HUNK: variants seen among roughly 807,000 people sequenced by gnomAD.
HUNK encodes hormonally up-regulated neu tumor-associated kinase.
In HUNK, 21 loss-of-function variants were observed where a neutral mutation model predicts 61.0. That is an observed-to-expected ratio of 0.34 (90% CI 0.24 to 0.50). The LOEUF is 0.50. Ranked by LOEUF, HUNK falls within the 20% of genes least tolerant of loss-of-function variation. The probability of loss-of-function intolerance (pLI) is 0.98; values close to 1 mark genes in which losing one functional copy is unlikely to be tolerated. For missense variants in HUNK, 772 were observed against 945.7 expected, an observed-to-expected ratio of 0.82 and a Z score of 2.41; for synonymous variants, 371 against 386.1, an observed-to-expected ratio of 0.96 and a Z score of 0.46.
chr21:31,968,486 G>C, intron 6 of HUNK, 101 bp downstream of exon 6: 1 of 1,402,728 alleles, frequency 7.1e-7, no homozygotes, highest in Non-Finnish European at 9.8e-7. Context: ...TGAAGGAAAA[G>C]CCGCGCTCTC....
intron 9 of HUNK, among the ~76,000 whole-genome samples, chr21:31,991,809 G>C (rs2053173789): frequency 1.3e-5 from 2 of 152,210 alleles, no homozygotes; most frequent in Admixed American, 1.3e-4. Flanking sequence ...GCCACATGTG[G>C]AAACAGGCAG....
intron 1 of HUNK, among the ~76,000 whole-genome samples, chr21:31,878,033 T>G (rs1312202408): frequency 6.6e-6 from 1 of 151,772 alleles, no homozygotes; most frequent in Non-Finnish European, 1.5e-5. Flanking sequence ...CCAAGGTGGG[T>G]GGATCACTTG....
intron 7 of HUNK, among the ~76,000 whole-genome samples, chr21:31,980,238 A>G (rs1210129035): frequency 2.0e-5 from 3 of 151,110 alleles, no homozygotes; most frequent in East Asian, 2.0e-4. Context: ...TGCCCAGCAA[A>G]TTTTTGTATT....
intron 1 of HUNK, among the ~76,000 whole-genome samples, chr21:31,901,264 T>C (rs750413168): frequency 6.6e-6 from 1 of 151,994 alleles, no homozygotes; most frequent in Non-Finnish European, 1.5e-5. Flanking sequence ...TTCTGTAGAG[T>C]CTGGGGTGTG....
intron 5 of HUNK, among the ~76,000 whole-genome samples, chr21:31,959,812 T>C (rs1015732751): frequency 6.6e-6 from 1 of 152,246 alleles, no homozygotes; most frequent in African/African-American, 2.4e-5. Context: ...TTTAAAAGCA[T>C]GCATGAAGCT....
At chr21:31,979,524 T>C (rs1462888329) in intron 7 of HUNK, among the ~76,000 whole-genome samples, 1 of 99,236 alleles carries the variant, frequency 1.0e-5, no homozygotes, top group African/African-American at 3.4e-5. Flanking sequence ...TCTTTTTTTT[T>C]TTTTTTTTTT....
chr21:31,968,747 TGTGTGTGA>T (rs367843020), intron 6 of HUNK, among the ~76,000 whole-genome samples: 17,789 of 129,798 alleles, frequency 0.14, 1,352 homozygotes, highest in Non-Finnish European at 0.19. Context: ...TGTGTGTGTG[TGTGTGTGA>T]GAGAGAGAGA....
intron 2 of HUNK, among the ~76,000 whole-genome samples, chr21:31,936,321 G>A (rs1454663098): frequency 6.6e-6 from 1 of 152,238 alleles, no homozygotes; most frequent in Non-Finnish European, 1.5e-5. Flanking sequence ...AAGTCTGGAA[G>A]AAAGTGTTCT....
At chr21:31,986,666 C>G (rs933976774) in intron 8 of HUNK, among the ~76,000 whole-genome samples, 2 of 152,180 alleles carry the variant, frequency 1.3e-5, no homozygotes, top group Non-Finnish European at 2.9e-5. Flanking sequence ...CGCTGCATCC[C>G]TCCCTGTGCT....
At chr21:31,938,815 A>T (rs1397705625) in intron 2 of HUNK, among the ~76,000 whole-genome samples, 1 of 152,222 alleles carries the variant, frequency 6.6e-6, no homozygotes, top group Non-Finnish European at 1.5e-5. Flanking sequence ...CATTCAAGGT[A>T]TGCCTGCATT....
intron 2 of HUNK, among the ~76,000 whole-genome samples, chr21:31,935,125 C>T (rs1209839083): frequency 1.3e-5 from 2 of 152,162 alleles, no homozygotes; most frequent in Admixed American, 6.5e-5. Flanking sequence ...GACATAACTT[C>T]AGGGGGCTAA....
At chr21:31,973,659 G>A (rs531204884) in intron 6 of HUNK, among the ~76,000 whole-genome samples, 5 of 152,102 alleles carry the variant, frequency 3.3e-5, no homozygotes, top group Non-Finnish European at 5.9e-5. Context: ...CACTGAACCC[G>A]GCTGCCGGTT....
At chr21:31,942,519 G>A (rs139783020) in intron 3 of HUNK, among the ~76,000 whole-genome samples, 114 of 152,322 alleles carry the variant, frequency 7.5e-4, no homozygotes, top group African/African-American at 2.6e-3. Flanking sequence ...GATTGGTTGA[G>A]TAATAGAACC....
rs1334212418 is a variant in HUNK, at chr21:31,890,158, A to C, written c.261+16223A>C. 3.9e-5 allele frequency among the ~76,000 whole-genome samples: 6 copies of C among 151,978 alleles called. No individual in the cohort carries two copies. The East Asian group carries it at 9.6e-4, about 24-fold the overall frequency. ...ATCTAAATCATGGCCACTTATACAT[A>C]CTTTTTTATTGTCAACTTTGCCACT... is the stretch of plus-strand genomic sequence containing the variant. On this transcript the variant is annotated intron_variant, in intron 1 of 10. Coordinates refer to ENST00000270112, the MANE Select transcript of HUNK (RefSeq NM_014586.2).
At chr21:31,975,022 T>C (rs1427665701) in intron 7 of HUNK, among the ~76,000 whole-genome samples, 7 of 151,966 alleles carry the variant, frequency 4.6e-5, no homozygotes, top group Admixed American at 4.6e-4. Flanking sequence ...CTGCTGCCTC[T>C]TAGGTCTTTG....
intron 1 of HUNK, among the ~76,000 whole-genome samples, chr21:31,914,959 C>T (rs919510984): frequency 6.6e-6 from 1 of 152,176 alleles, no homozygotes; most frequent in African/African-American, 2.4e-5. Flanking sequence ...TTATCCTCCC[C>T]TCCCCGACAA....
intron 7 of HUNK, among the ~76,000 whole-genome samples, chr21:31,979,205 G>C (rs555381325): frequency 6.7e-6 from 1 of 149,494 alleles, no homozygotes; most frequent in Admixed American, 6.7e-5. Flanking sequence ...TGCAACCTCT[G>C]CCTCCTGGAT....
In HUNK at chr21:31,924,747, G is replaced by A. The variant is rs1233238090; in HGVS notation, c.541G>A (p.Gly181Arg). Residue 181 changes from glycine (G) to arginine (R), a missense_variant, in exon 2 of 11, where the codon GGG becomes AGG. Around this residue, in one of 2 missense-constraint regions of HUNK, gnomAD observed 359 missense variants for 501.3 expected, o/e 0.72. Transcript: ENST00000270112. This position sits in a 1 kb window ranked among gnomAD's most constrained non-coding sequence, Gnocchi z 5.1. Reference sequence around the variant, plus strand: ...TGCCGTAGAGCACCTGCACCGGGCCGGGGTGGTCCACAGGTAAGGGCCAGG... The same window carrying A: ...TGCCGTAGAGCACCTGCACCGGGCCAGGGTGGTCCACAGGTAAGGGCCAGG... Reference protein sequence around the residue: ...ISAVEHLHRAGVVHRDLKIEN... With the variant: ...ISAVEHLHRARVVHRDLKIEN... The A allele has an allele frequency of 1.9e-6, 3 of 1,607,736 alleles. No homozygotes were observed. Among genetic ancestry groups the A allele is most frequent in the Non-Finnish European group, 1.7e-6 (2 of 1,177,138 alleles).
At chr21:31,953,296 G>T (rs963463599) in intron 4 of HUNK, among the ~76,000 whole-genome samples, 2 of 149,874 alleles carry the variant, frequency 1.3e-5, no homozygotes, top group African/African-American at 4.9e-5. Context: ...AGGCAATGGC[G>T]CAATCTCTGC....
Sources: gnomAD v4.1 joint callset for allele counts (sites outside exome capture counted in the v4.1 genomes callset) on GRCh38, gnomAD v4.1.1 for gene constraint, gnomAD v4.1.1 regional missense constraint, Gnocchi (gnomAD v3.1) non-coding constraint, MANE v1.5 for transcripts, NCBI Gene and HGNC (gene_info 2026-07-23, HGNC 2026-07-21) for gene names.